RNF168: variants seen among roughly 807,000 people sequenced by gnomAD.
The protein encoded by RNF168 is E3 ubiquitin-protein ligase RNF168.
RNF168 carries 34 observed loss-of-function variants against 34.9 expected under a neutral mutation model. That is an observed-to-expected ratio of 0.97 (90% CI 0.74 to 1.30). The LOEUF (loss-of-function observed/expected upper bound fraction) is 1.30. RNF168 is among the 50% of genes most tolerant of loss of function. The probability of loss-of-function intolerance (pLI) is 0.00; values close to 1 mark genes in which losing one functional copy is unlikely to be tolerated. For missense variants in RNF168, 725 were observed against 682.5 expected (o/e 1.06, Z -0.69); for synonymous variants, 264 against 254.7 (o/e 1.04, Z -0.35).
intron 1 of RNF168, 132 bp from the exon 2 acceptor site, chr3:196,488,815 AT>A: frequency 4.4e-6 from 2 of 455,428 alleles, no homozygotes; most frequent in Non-Finnish European, 7.9e-6. Context: ...TTGGAATTCC[AT>A]TTTTAACATT....
At chr3:196,482,873 A>G (rs1732330155) in intron 4 of RNF168, among the ~76,000 whole-genome samples, 1 of 152,162 alleles carries the variant, frequency 6.6e-6, no homozygotes, top group Non-Finnish European at 1.5e-5. Context: ...TACAACTTTA[A>G]TCCATCAGTT....
chr3:196,487,679 A>T (rs1577516549), intron 2 of RNF168, 101 bp from the exon 3 acceptor site: 1 of 1,117,408 alleles, frequency 8.9e-7, no homozygotes, highest in African/African-American at 1.5e-5. Context: ...ACAAATTGGC[A>T]GAAATTTAAA....
At chr3:196,483,009 G>C (rs1732332996) in intron 4 of RNF168, among the ~76,000 whole-genome samples, 1 of 151,566 alleles carries the variant, frequency 6.6e-6, no homozygotes, top group East Asian at 1.9e-4. Flanking sequence ...ACAGCATATT[G>C]TATCAATATG....
intron 5 of RNF168, 74 bp downstream of exon 5, chr3:196,475,157 G>GA: frequency 1.1e-6 from 1 of 872,036 alleles, no homozygotes; most frequent in Non-Finnish European, 1.9e-6. Context: ...TTAAAAGGTA[G>GA]AAAACTATGG....
At chr3:196,501,730 A>T (rs183161916) in intron 1 of RNF168, among the ~76,000 whole-genome samples, 1,898 of 152,276 alleles carry the variant, frequency 0.012, 19 homozygotes, top group Non-Finnish European at 0.018. Context: ...ACAATATTTT[A>T]AAAATAACGC....
intron 1 of RNF168, among the ~76,000 whole-genome samples, chr3:196,502,178 G>A (rs1194294587): frequency 1.3e-5 from 2 of 151,306 alleles, no homozygotes; most frequent in Non-Finnish European, 2.9e-5. Context: ...AGAGTCAAGG[G>A]TTCAGTTTGG....
intron 1 of RNF168, among the ~76,000 whole-genome samples, chr3:196,497,495 C>A (rs936224572): frequency 1.3e-5 from 2 of 151,834 alleles, no homozygotes; most frequent in Admixed American, 1.3e-4. Context: ...CATGGTGAAG[C>A]CCCATCTCTA....
At chr3:196,493,993 C>T (rs1288978779) in intron 1 of RNF168, among the ~76,000 whole-genome samples, 2 of 151,556 alleles carry the variant, frequency 1.3e-5, no homozygotes, top group African/African-American at 4.9e-5. Flanking sequence ...GCTGAGACTA[C>T]AGGCGCCCAC....
intron 1 of RNF168, among the ~76,000 whole-genome samples, chr3:196,493,033 A>G (rs1046270645): frequency 6.6e-6 from 1 of 152,184 alleles, no homozygotes; most frequent in Non-Finnish European, 1.5e-5. Flanking sequence ...ATAAATTCCA[A>G]AACAATTAAA....
At chr3:196,489,679 G>A (rs1011383456) in intron 1 of RNF168, among the ~76,000 whole-genome samples, 1 of 152,150 alleles carries the variant, frequency 6.6e-6, no homozygotes, top group Non-Finnish European at 1.5e-5. Flanking sequence ...CAATGAAATA[G>A]AGATAATTGA....
chr3:196,483,703 T>G, intron 4 of RNF168, 67 bp downstream of exon 4: 1 of 1,336,690 alleles, frequency 7.5e-7, no homozygotes, highest in Non-Finnish European at 1.1e-6. Context: ...AGTAGTAGTC[T>G]ATATGAACAG....
At chr3:196,500,829 A>G (rs1732864133) in intron 1 of RNF168, among the ~76,000 whole-genome samples, 3 of 151,610 alleles carry the variant, frequency 2.0e-5, no homozygotes, top group Non-Finnish European at 4.4e-5. Flanking sequence ...CTCCGGCCTC[A>G]GCCTCCCGAG....
chr3:196,479,953 GTT>G (rs1732247472), intron 4 of RNF168, among the ~76,000 whole-genome samples: 1 of 152,120 alleles, frequency 6.6e-6, no homozygotes, highest in African/African-American at 2.4e-5. Flanking sequence ...TGAAAACAAA[GTT>G]TATGAGAGAA....
chr3:196,503,015 G>C lies in RNF168; in HGVS notation c.159C>G (p.Phe53Leu), dbSNP rs772223314. 1 of 1,614,048 alleles carries C rather than the reference G, an allele frequency of 6.2e-7. No homozygotes were observed. Among genetic ancestry groups the C allele is most frequent in the Admixed American group, 1.7e-5 (1 of 59,998 alleles). The stretch of plus-strand genomic sequence containing the variant: ...TCCACGACGATACCCGGCGGCGACA[G>C]AAGGGACAGCATAAACTCGCCTTTT... ...TVEKASLCCP[F>L]CRRRVSSWTR... is the part of the protein sequence containing the mutation. Residue 53 changes from phenylalanine to leucine, a missense_variant, in exon 1 of 6, where the codon TTC becomes TTG. Physicochemically the swap from Phe to Leu is conservative, Grantham distance 22. Transcript: ENST00000318037.
Position 196,490,711 on chromosome 3 carries a change from T to C in RNF168, c.302-2028A>G, listed in dbSNP as rs74413451. On this transcript the variant is annotated intron_variant, in intron 1 of 5. Coordinates refer to ENST00000318037, the MANE Select transcript of RNF168 (RefSeq NM_152617.4). ...AAAAAACATGCACACAGGATTCCTA[T>C]GGCCTGCAGGCCAGCAGTTTGAAAA... 7.1e-3 allele frequency among the ~76,000 whole-genome samples: 1,081 copies of C among 152,310 alleles called. 16 individuals are homozygous for C. The highest frequency in any genetic ancestry group is 0.025 in the African/African-American group (1,024 of 41,578).
Position 196,479,810 on chromosome 3 carries a change from T to A in RNF168, c.680+3960A>T, listed in dbSNP as rs1330582228. Among the ~76,000 whole-genome samples the A allele has an allele frequency of 2.0e-5, 3 of 152,136 alleles. No homozygotes were observed. The East Asian group carries it at 5.8e-4, about 29-fold the overall frequency. On this transcript the variant is annotated intron_variant, in intron 4 of 5. Coordinates refer to ENST00000318037, the MANE Select transcript of RNF168 (RefSeq NM_152617.4). The stretch of plus-strand genomic sequence containing the variant: ...TTTCACCATGTTGGCCAGGCTGGTT[T>A]TGAACTCCTGACCTCAAGTGATCTG...
intron 1 of RNF168, among the ~76,000 whole-genome samples, chr3:196,502,054 GA>G (rs554041803): frequency 0.065 from 3,245 of 50,004 alleles, 69 homozygotes; most frequent in African/African-American, 0.13. Flanking sequence ...AAAAAAATTA[GA>G]AAAAAAAAAA....
At chr3:196,474,864 C>T (rs1290284871) in intron 5 of RNF168, 1 of 268,936 alleles carries the variant, frequency 3.7e-6, no homozygotes, top group Non-Finnish European at 7.3e-6. Flanking sequence ...AATCCAGCCT[C>T]CTGCCTGTTT....
At chr3:196,495,230 C>T (rs1171162669) in intron 1 of RNF168, among the ~76,000 whole-genome samples, 1 of 152,062 alleles carries the variant, frequency 6.6e-6, no homozygotes, top group African/African-American at 2.4e-5. Flanking sequence ...GATCATAACC[C>T]TTCACCAAAT....
Sources: allele counts gnomAD v4.1 joint callset (sites outside exome capture counted in the v4.1 genomes callset), GRCh38; gene constraint gnomAD v4.1.1; transcripts MANE v1.5; gene names NCBI Gene and HGNC (gene_info 2026-07-23, HGNC 2026-07-21).